NRG1: variants seen among roughly 807,000 people sequenced by gnomAD.
NRG1 encodes pro-neuregulin-1, membrane-bound isoform.
In NRG1, 18 loss-of-function variants were observed where a neutral mutation model predicts 63.8. That is an observed-to-expected ratio of 0.28 (90% CI 0.19 to 0.42). NRG1 has a LOEUF of 0.42. NRG1 is among the 10% of genes least tolerant of loss of function. The pLI, the probability that NRG1 is intolerant of heterozygous loss-of-function variation, is 1.00. For missense variants in NRG1, 762 were observed against 814.7 expected, an observed-to-expected ratio of 0.94 and a Z score of 0.79; for synonymous variants, 302 against 301.3, an observed-to-expected ratio of 1.00 and a Z score of -0.02.
At chr8:32,519,984 T>C (rs1046526038) in intron 1 of NRG1, among the ~76,000 whole-genome samples, 1 of 152,080 alleles carries the variant, frequency 6.6e-6, no homozygotes, top group Non-Finnish European at 1.5e-5. Flanking sequence ...GCAATCCACA[T>C]GTGTATACTG....
chr8:32,724,321 A>G (rs1821478393), intron 5 of NRG1, among the ~76,000 whole-genome samples: 1 of 152,226 alleles, frequency 6.6e-6, no homozygotes, highest in Non-Finnish European at 1.5e-5. Flanking sequence ...TCCTGGAACA[A>G]CTATTGGGGG....
intron 1 of NRG1, among the ~76,000 whole-genome samples, chr8:32,233,207 T>C (rs953598084): frequency 1.3e-5 from 2 of 152,038 alleles, no homozygotes; most frequent in Admixed American, 1.3e-4. Flanking sequence ...GCTCAAGCTG[T>C]TCACCTACTT....
At chr8:32,772,044 T>A (rs1464984770), downstream of NRG1, among the ~76,000 whole-genome samples, 33 of 1,288 alleles carry the variant, frequency 0.026, no homozygotes, top group East Asian at 0.24. Context: ...AAAATATGTA[T>A]ATATATATAT....
chr8:32,194,031 C>G (rs984910542), intron 1 of NRG1, among the ~76,000 whole-genome samples: 1 of 152,232 alleles, frequency 6.6e-6, no homozygotes, highest in South Asian at 2.1e-4. Flanking sequence ...ATTCATGGGA[C>G]TTTGTTATGA....
intron 1 of NRG1, among the ~76,000 whole-genome samples, chr8:31,883,396 G>A (rs1411520254): frequency 6.6e-6 from 1 of 152,068 alleles, no homozygotes; most frequent in Non-Finnish European, 1.5e-5. Flanking sequence ...GCTTTATTAT[G>A]ATGTTCACTT....
intron 6 of NRG1, among the ~76,000 whole-genome samples, chr8:32,729,705 A>G (rs1823154118): frequency 6.6e-6 from 1 of 152,168 alleles, no homozygotes. Flanking sequence ...ATTCTAATAA[A>G]ATCTTAATTA....
intron 1 of NRG1, among the ~76,000 whole-genome samples, chr8:32,055,225 G>A (rs1395165785): frequency 6.6e-6 from 1 of 151,958 alleles, no homozygotes; most frequent in African/African-American, 2.4e-5. Context: ...AAACATTTGA[G>A]GATAAAGACA....
At chr8:32,503,044 G>C (rs989695911) in intron 1 of NRG1, among the ~76,000 whole-genome samples, 2 of 151,976 alleles carry the variant, frequency 1.3e-5, no homozygotes, top group Admixed American at 6.6e-5. Flanking sequence ...CCAGCACTTC[G>C]GGAGGCTGAG....
intron 1 of NRG1, among the ~76,000 whole-genome samples, chr8:31,710,255 T>C (rs2131248068): frequency 6.6e-6 from 1 of 152,000 alleles, no homozygotes; most frequent in Admixed American, 6.6e-5. Flanking sequence ...ATATTAAGAG[T>C]ATGTTTTCGC....
chr8:32,442,416 C>T (rs953631109), intron 1 of NRG1: 11 of 152,204 alleles, frequency 7.2e-5, no homozygotes, highest in Non-Finnish European at 1.5e-4. Flanking sequence ...GGAAAGGCTT[C>T]ATGACTTTCT....
intron 1 of NRG1, among the ~76,000 whole-genome samples, chr8:32,503,404 C>T (rs1307453940): frequency 2.0e-5 from 3 of 150,494 alleles, no homozygotes; most frequent in African/African-American, 4.9e-5. Flanking sequence ...CATGAATATC[C>T]GTCATTTAAC....
chr8:32,235,230 CAAAAAAAAAAAAAAAA>C (rs58148757), intron 1 of NRG1, among the ~76,000 whole-genome samples: 7 of 88,310 alleles, frequency 7.9e-5, no homozygotes, highest in Non-Finnish European at 1.3e-4. Context: ...CTAATCTCTA[CAAAAAAAAAAAAAAAA>C]AAAAAAAAAA....
At chr8:31,902,890 T>C (rs893215572) in intron 1 of NRG1, among the ~76,000 whole-genome samples, 1 of 152,214 alleles carries the variant, frequency 6.6e-6, no homozygotes, top group African/African-American at 2.4e-5. Flanking sequence ...TGACTCACTT[T>C]CGTCCAATAG....
intron 1 of NRG1, among the ~76,000 whole-genome samples, chr8:32,315,912 T>C (rs994056833): frequency 5.5e-5 from 8 of 144,594 alleles, no homozygotes; most frequent in African/African-American, 1.7e-4. Flanking sequence ...TATTTAATAC[T>C]AAGCAGACTT....
At chr8:32,261,207 A>G (rs1019517366) in intron 1 of NRG1, among the ~76,000 whole-genome samples, 4 of 152,130 alleles carry the variant, frequency 2.6e-5, no homozygotes. Context: ...GTATAATTCT[A>G]TTCACTCAAA....
intron 1 of NRG1, among the ~76,000 whole-genome samples, chr8:32,303,193 A>G (rs1855799937): frequency 7.0e-6 from 1 of 143,428 alleles, no homozygotes; most frequent in African/African-American, 2.5e-5. Flanking sequence ...CCAAAAAAAA[A>G]AAAAAAAAAA....
intron 1 of NRG1, among the ~76,000 whole-genome samples, chr8:31,967,809 A>G (rs1806608804): frequency 6.6e-6 from 1 of 152,214 alleles, no homozygotes; most frequent in South Asian, 2.1e-4. Flanking sequence ...AGCACTAAAA[A>G]AAAGTGCAGC....
intron 5 of NRG1, among the ~76,000 whole-genome samples, chr8:32,629,936 A>T (rs890077998): frequency 6.6e-6 from 1 of 152,176 alleles, no homozygotes; most frequent in Non-Finnish European, 1.5e-5. Flanking sequence ...ACAATAATAT[A>T]TTTTAATAAG....
intron 1 of NRG1, among the ~76,000 whole-genome samples, chr8:31,732,468 C>G (rs1290806268): frequency 6.6e-6 from 1 of 152,002 alleles, no homozygotes; most frequent in East Asian, 1.9e-4. Context: ...ACATTAGGTT[C>G]CTCCATTTTA....
Sources: allele counts gnomAD v4.1 joint callset (sites outside exome capture counted in the v4.1 genomes callset), GRCh38; gene constraint gnomAD v4.1.1; transcripts MANE v1.5; gene names NCBI Gene and HGNC (gene_info 2026-07-23, HGNC 2026-07-21).